Variants in SP140 observed in about 807,000 individuals in gnomAD.
SP140 encodes nuclear body protein SP140.
A neutral mutation model predicts 125.0 loss-of-function variants in SP140; 81 were observed. The ratio of observed to expected loss-of-function variants is 0.65; its 90% CI spans 0.54 to 0.78. The LOEUF (loss-of-function observed/expected upper bound fraction) is 0.78, where lower values mean the gene tolerates loss of function less well. SP140 is among the 30% of genes least tolerant of loss of function. The pLI is 0.00. For synonymous variants in SP140, 312 were observed against 354.0 expected (o/e 0.88, Z 1.33); for missense variants, 858 against 1,037.0 (o/e 0.83, Z 2.37).
At chr2:230,191,563 C>A in the SP140 span, among the ~76,000 whole-genome samples, 70 of 152,198 alleles carry the variant, frequency 4.6e-4, 1 homozygote, top group African/African-American at 1.6e-3. Context: ...GACACATACA[C>A]CCTATCAAGA....
chr2:230,241,948 G>A (rs1428880177), intron 4 of SP140, among the ~76,000 whole-genome samples: 1 of 152,166 alleles, frequency 6.6e-6, no homozygotes, highest in Non-Finnish European at 1.5e-5. Flanking sequence ...TAGTACTGTG[G>A]TCACAGTCCA....
intron 26 of SP140, among the ~76,000 whole-genome samples, 168 bp from the exon 27 acceptor site, chr2:230,312,418 A>G (rs370170420): frequency 4.1e-4 from 62 of 152,382 alleles, no homozygotes; most frequent in African/African-American, 1.3e-3. Context: ...TCCACATAGC[A>G]GTCATAAATC....
At position 230,292,763 on chromosome 2, in the gene SP140, G is replaced by T. The variant is rs770975646; in HGVS notation, c.1943G>T (p.Gly648Val). Residue 648 changes from glycine (G) to valine (V), a missense_variant, in exon 20 of 27, where the codon GGG (glycine) becomes GTG (valine). Gly to Val is a moderately radical substitution (Grantham distance 109). Around this residue, in one of 4 missense-constraint regions of SP140, gnomAD observed 791 missense variants for 869.5 expected, o/e 0.91. Coordinates refer to ENST00000392045, the MANE Select transcript of SP140 (RefSeq NM_007237.5). ...TGGAGGCTGAGTGTGCGCTGTGGCG[G>T]GTGGCCCCTACGATGGCTGATGGAG... ...KNWRLSVRCGGWPLRWLMENG... is the reference protein window; with the variant it reads ...KNWRLSVRCGVWPLRWLMENG... 17 of 1,614,040 alleles carry T rather than the reference G, an allele frequency of 1.1e-5. No individual in the cohort carries two copies. The highest frequency in any genetic ancestry group is 1.4e-5 in the Non-Finnish European group (17 of 1,180,030).
At chr2:230,266,874 T>C (rs1209887257) in intron 12 of SP140, among the ~76,000 whole-genome samples, 1 of 152,194 alleles carries the variant, frequency 6.6e-6, no homozygotes, top group Admixed American at 6.5e-5. Context: ...TAGAGAAAAC[T>C]CCCTGCTCTT....
intron 16 of SP140, among the ~76,000 whole-genome samples, chr2:230,285,457 C>T (rs1441579918): frequency 6.6e-6 from 1 of 152,152 alleles, no homozygotes; most frequent in Non-Finnish European, 1.5e-5. Flanking sequence ...TGGCTGTTTT[C>T]AAATTGAAAA....
chr2:230,296,877 G>A (rs929643292), intron 21 of SP140, among the ~76,000 whole-genome samples: 2 of 152,196 alleles, frequency 1.3e-5, no homozygotes, highest in African/African-American at 4.8e-5. Context: ...TGCAGGGAAT[G>A]GGACTTGCAT....
Position 230,243,814 on chromosome 2 carries a change from A to G in SP140, c.571+3A>G, listed in dbSNP as rs770688847. ...CTCCTCGCCAAGGTGTGAGCCAGGT[A>G]AGGAAGGAGTGACTTGCTCTCCCTG... On this transcript the variant is annotated splice_donor_region_variant and intron_variant, in intron 5 of 26. Coordinates refer to ENST00000392045, the MANE Select transcript of SP140 (RefSeq NM_007237.5). The G allele has an allele frequency of 1.2e-6, 2 of 1,607,026 alleles. No individual in the cohort carries two copies. The highest frequency in any genetic ancestry group is 2.7e-5 in the African/African-American group (2 of 74,710).
At chr2:230,247,802 C>A (rs1365075652) in intron 7 of SP140, 114 bp from the exon 8 acceptor site, 2 of 1,012,694 alleles carry the variant, frequency 2.0e-6, no homozygotes, top group Non-Finnish European at 3.0e-6. Context: ...AAAGGCTTAG[C>A]CCTGTGCTTG....
At chr2:230,267,260 A>T (rs1173843794) in intron 12 of SP140, among the ~76,000 whole-genome samples, 1 of 152,232 alleles carries the variant, frequency 6.6e-6, no homozygotes, top group African/African-American at 2.4e-5. Context: ...TGCAGACCTC[A>T]AATCATCCGT....
At chr2:230,307,646 G>T (rs2058886768) in intron 22 of SP140, among the ~76,000 whole-genome samples, 1 of 152,188 alleles carries the variant, frequency 6.6e-6, no homozygotes, top group Non-Finnish European at 1.5e-5. Context: ...TGCAATAGCA[G>T]GCATGTCTGA....
In SP140 at chr2:230,211,387, C is replaced by A; in HGVS notation, c.-322-2267C>A. 1.1e-6 allele frequency: 1 copy of A among 893,194 alleles called. No homozygotes were observed. The highest frequency in any genetic ancestry group is 1.6e-5 in the African/African-American group (1 of 61,248). The allele number at this position is 893,194 out of a possible 1,614,324, so 55.3% of individuals were successfully genotyped here. On this transcript the variant is annotated intron_variant, in intron 1 of 4. Transcript: ENST00000456542. The surrounding 1 kb of genome is among the most constrained non-coding windows in gnomAD (Gnocchi z 4.2). ...TGCTGAGAGGCAGGAGGAGAGCCCC[C>A]TCTCTAGAAGATCCGAATGGCTTTT...
At chr2:230,261,906 G>T (rs976823012) in intron 12 of SP140, among the ~76,000 whole-genome samples, 6 of 152,144 alleles carry the variant, frequency 3.9e-5, no homozygotes, top group Non-Finnish European at 7.4e-5. Flanking sequence ...ATACCAGTCT[G>T]TAGTTTTCTT....
chr2:230,301,096 A>C (rs537709243), intron 22 of SP140, among the ~76,000 whole-genome samples: 1 of 152,334 alleles, frequency 6.6e-6, no homozygotes, highest in East Asian at 1.9e-4. Context: ...CCAATCCAAC[A>C]AGAAAAAAGA....
chr2:230,245,646 AG>A (rs2049328265), intron 6 of SP140, among the ~76,000 whole-genome samples: 1 of 152,136 alleles, frequency 6.6e-6, no homozygotes, highest in South Asian at 2.1e-4. Context: ...CAATGTGTAA[AG>A]ACAGGGTTAG....
At chr2:230,246,013 C>A in intron 7 of SP140, 73 bp downstream of exon 7, 1 of 839,682 alleles carries the variant, frequency 1.2e-6, no homozygotes, top group Non-Finnish European at 2.0e-6. Context: ...ATCTCCCTTC[C>A]CATTCCCCCA....
chr2:230,255,127 AAG>A (rs1329088583), intron 11 of SP140, among the ~76,000 whole-genome samples: 2 of 152,224 alleles, frequency 1.3e-5, no homozygotes, highest in Non-Finnish European at 2.9e-5. Flanking sequence ...CATGGAAACA[AAG>A]AGAAGCACCT....
At position 230,245,081 on chromosome 2, in the gene SP140, G is replaced by T. The variant is rs752322756; in HGVS notation, c.664+1G>T. The T allele has an allele frequency of 6.9e-6, 11 of 1,602,498 alleles. No individual in the cohort carries two copies. The highest frequency in any genetic ancestry group is 5.5e-5 in the South Asian group (5 of 90,710). ...CCCAGCCTACTACCAGGTGGGGGAG[G>T]TAATTATGATTTAAATGACCAATTA... On this transcript the variant is annotated splice_donor_variant, in intron 6 of 26. Coordinates refer to ENST00000392045, the MANE Select transcript of SP140 (RefSeq NM_007237.5). LOFTEE classifies it high-confidence loss of function.
In SP140 at chr2:230,237,168, A is replaced by G; in HGVS notation, c.145A>G (p.Asn49Asp). 6.2e-7 allele frequency: 1 copy of G among 1,613,794 alleles called. No homozygotes were observed. The highest frequency in any genetic ancestry group is 2.2e-5 in the East Asian group (1 of 44,874). Residue 49 changes from asparagine (N) to aspartate (D), a missense_variant, in exon 2 of 27, where the codon AAC (asparagine) becomes GAC (aspartate). Physicochemically the swap from Asn to Asp is conservative, Grantham distance 23. Around this residue, in one of 4 missense-constraint regions of SP140, gnomAD observed 791 missense variants for 869.5 expected, o/e 0.91. Coordinates refer to ENST00000392045, the MANE Select transcript of SP140 (RefSeq NM_007237.5). This position sits in a 1 kb window ranked among gnomAD's most constrained non-coding sequence, Gnocchi z 5.4. ...PEPIFRFFRE[N>D]KVEIASAITR... is the part of the protein sequence containing the mutation. ...GCCCATTTTCAGGTTCTTCAGAGAA[A>G]ACAAGGTGGAGATTGCAAGTGCAAT...
chr2:230,256,432 C>A (rs571783590), intron 12 of SP140, among the ~76,000 whole-genome samples: 50 of 150,184 alleles, frequency 3.3e-4, no homozygotes, highest in Admixed American at 2.7e-4. Flanking sequence ...GACAAAAAAC[C>A]AAACACTGCA....
Sources: gnomAD v4.1 joint callset for allele counts (sites outside exome capture counted in the v4.1 genomes callset) on GRCh38, gnomAD v4.1.1 for gene constraint, gnomAD v4.1.1 regional missense constraint, Gnocchi (gnomAD v3.1) non-coding constraint, MANE v1.5 for transcripts, NCBI Gene and HGNC (gene_info 2026-07-23, HGNC 2026-07-21) for gene names.